Variants in CDH4 observed in about 807,000 individuals in gnomAD.
CDH4 encodes cadherin-4.
Under a neutral mutation model 86.0 loss-of-function variants are expected in CDH4, and 33 were observed. The ratio of observed to expected loss-of-function variants is 0.38; its 90% CI spans 0.29 to 0.51. The LOEUF (loss-of-function observed/expected upper bound fraction) is 0.51. Among genes scored for constraint, CDH4 ranks in the 20% least tolerant of loss-of-function variants. The probability of loss-of-function intolerance (pLI) is 0.86; values close to 1 mark genes in which losing one functional copy is unlikely to be tolerated. For synonymous variants in CDH4, 555 were observed against 549.4 expected, an observed-to-expected ratio of 1.01 and a Z score of -0.14; for missense variants, 1,114 against 1,307.4, an observed-to-expected ratio of 0.85 and a Z score of 2.28.
chr20:61,771,017 T>TC (rs1336498940), intron 3 of CDH4, among the ~76,000 whole-genome samples: 3 of 123,534 alleles, frequency 2.4e-5, no homozygotes, highest in Non-Finnish European at 3.7e-5. Flanking sequence ...TTTCTTTTTT[T>TC]TTTTTTTTTT....
At chr20:61,817,253 G>A (rs138815108) in intron 4 of CDH4, among the ~76,000 whole-genome samples, 25 of 152,290 alleles carry the variant, frequency 1.6e-4, no homozygotes, top group Middle Eastern at 3.4e-3. Flanking sequence ...CCAAGGCAGG[G>A]GCCCCCGAGT....
chr20:61,882,853 C>T (rs1984346930), intron 7 of CDH4, among the ~76,000 whole-genome samples: 1 of 148,632 alleles, frequency 6.7e-6, no homozygotes, highest in Admixed American at 6.8e-5. Context: ...TCTGAGAAGT[C>T]ACCCGGCCGG....
rs1191114053 is a variant in CDH4, at chr20:61,517,506, G to A, written c.170-226057G>A. On this transcript the variant is annotated intron_variant, in intron 2 of 15. Coordinates refer to ENST00000614565, the MANE Select transcript of CDH4 (RefSeq NM_001794.5). The surrounding 1 kb of genome is among the most constrained non-coding windows in gnomAD (Gnocchi z 6.6). ...CACCATGCCTGGCCTATAGACTTTTGTGTCTGGCGGCTTTTAAGAGTCAGA... is the reference window on the plus strand; with the variant it reads ...CACCATGCCTGGCCTATAGACTTTTATGTCTGGCGGCTTTTAAGAGTCAGA... Among the ~76,000 whole-genome samples the A allele has an allele frequency of 6.6e-6, 1 of 152,124 alleles. No homozygotes were observed. The highest frequency in any genetic ancestry group is 1.5e-5 in the Non-Finnish European group (1 of 68,028).
At chr20:61,345,956 A>G (rs1228403358) in intron 2 of CDH4, among the ~76,000 whole-genome samples, 3 of 152,174 alleles carry the variant, frequency 2.0e-5, no homozygotes, top group Non-Finnish European at 2.9e-5. Context: ...GGTATTTTGT[A>G]AGCATTCTGG....
At chr20:61,889,841 T>A (rs1055677469) in intron 7 of CDH4, among the ~76,000 whole-genome samples, 1 of 146,530 alleles carries the variant, frequency 6.8e-6, no homozygotes, top group Non-Finnish European at 1.5e-5. Context: ...GGATGATGGA[T>A]GGATAGATAA....
chr20:61,901,660 G>A (rs987151749), intron 8 of CDH4, among the ~76,000 whole-genome samples: 9 of 152,372 alleles, frequency 5.9e-5, no homozygotes, highest in East Asian at 3.9e-4. Context: ...GGCTCCGGCC[G>A]GGAGAAGCAG....
chr20:61,616,956 G>A (rs754951188), intron 2 of CDH4, among the ~76,000 whole-genome samples: 7 of 152,218 alleles, frequency 4.6e-5, no homozygotes, highest in East Asian at 1.9e-4. Context: ...TGACTGGACC[G>A]GGTGCTGTGC....
intron 2 of CDH4, among the ~76,000 whole-genome samples, chr20:61,360,207 G>T (rs2084776249): frequency 2.0e-5 from 3 of 152,232 alleles, no homozygotes; most frequent in Non-Finnish European, 4.4e-5. Flanking sequence ...TGGGTGTGCA[G>T]ATCTGTGCTG....
At chr20:61,734,337 G>A in intron 2 of CDH4, among the ~76,000 whole-genome samples, 1 of 152,242 alleles carries the variant, frequency 6.6e-6, no homozygotes, top group South Asian at 2.1e-4. Flanking sequence ...ACTGGCCCAA[G>A]CCTGGGCAGG....
rs567420703 is a variant in CDH4 at position 61,392,936 on chromosome 20, T to C, written c.169+137999T>C. On this transcript the variant is annotated intron_variant, in intron 2 of 15. Transcript: ENST00000614565. This position sits in a 1 kb window ranked among gnomAD's most constrained non-coding sequence, Gnocchi z 5.7. The stretch of plus-strand genomic sequence containing the variant: ...CGATCAGGGAAGGAGGTGCAGATAC[T>C]CACCCCGATACCCACCAAGGGCAGC... Among the ~76,000 whole-genome samples the C allele has an allele frequency of 2.6e-5, 4 of 152,166 alleles. No individual in the cohort carries two copies. In the East Asian group the frequency reaches 7.7e-4, roughly 29 times the overall value.
rs151120999 is a variant in CDH4, at chr20:61,269,703, T to C, written c.169+14766T>C. 1.1e-3 allele frequency among the ~76,000 whole-genome samples: 165 copies of C among 152,318 alleles called. No homozygotes were observed. Among genetic ancestry groups the C allele is most frequent in the African/African-American group, 3.7e-3 (154 of 41,568 alleles). On this transcript the variant is annotated intron_variant, in intron 2 of 15. Coordinates refer to ENST00000614565, the MANE Select transcript of CDH4 (RefSeq NM_001794.5). The surrounding 1 kb of genome is among the most constrained non-coding windows in gnomAD (Gnocchi z 5.3). Reference sequence around the variant, plus strand: ...AGTCCTGCCAGAGCTGCCCTCCTGCTCTCCTCCTCCTCTTCTGGTCCCTGT... The same window carrying C: ...AGTCCTGCCAGAGCTGCCCTCCTGCCCTCCTCCTCCTCTTCTGGTCCCTGT...
In CDH4 at chr20:61,811,214, A is replaced by C. The variant is rs1980417195; in HGVS notation, c.577-33454A>C. 6.6e-6 allele frequency among the ~76,000 whole-genome samples: 1 copy of C among 152,180 alleles called. No homozygotes were observed. The highest frequency in any genetic ancestry group is 2.1e-4 in the South Asian group (1 of 4,834). ...GCAATCCCTGCTGAGGATGTGAACC[A>C]GGTGAAGTGAAGAATTGCTGGAGGA... On this transcript the variant is annotated intron_variant, in intron 4 of 15. Transcript: ENST00000614565. The surrounding 1 kb of genome is among the most constrained non-coding windows in gnomAD (Gnocchi z 4.4).
intron 2 of CDH4, among the ~76,000 whole-genome samples, chr20:61,343,817 G>C (rs1018873936): frequency 6.6e-6 from 1 of 152,170 alleles, no homozygotes; most frequent in Non-Finnish European, 1.5e-5. Context: ...CCCCAAGAGG[G>C]TATGGGCCAT....
intron 2 of CDH4, among the ~76,000 whole-genome samples, chr20:61,479,392 C>T (rs1400917556): frequency 1.3e-5 from 2 of 151,466 alleles, no homozygotes; most frequent in Admixed American, 6.6e-5. Context: ...TGATATTCCC[C>T]TTCCTGTGTC....
In CDH4 at chr20:61,684,295, G is replaced by A. The variant is rs761488700; in HGVS notation, c.170-59268G>A. Among the ~76,000 whole-genome samples the A allele has an allele frequency of 1.3e-5, 2 of 152,186 alleles. No homozygotes were observed. Among genetic ancestry groups the A allele is most frequent in the Non-Finnish European group, 2.9e-5 (2 of 68,022 alleles). ...GGTGCTCAGAGGGTGGCAAAGGGGC[G>A]ACCATGCGACTGAGCCCTGTGGGAA... On this transcript the variant is annotated intron_variant, in intron 2 of 15. Coordinates refer to ENST00000614565, the MANE Select transcript of CDH4 (RefSeq NM_001794.5). The surrounding 1 kb of genome is among the most constrained non-coding windows in gnomAD (Gnocchi z 4.5).
chr20:61,835,947 G>GGAAGGACCCTGCCA (rs1265528912), intron 4 of CDH4, among the ~76,000 whole-genome samples: 5 of 152,194 alleles, frequency 3.3e-5, no homozygotes, highest in African/African-American at 7.2e-5. Context: ...TGTCCCGAGC[G>GGAAGGACCCTGCCA]GAAGGACCCT....
intron 2 of CDH4, among the ~76,000 whole-genome samples, chr20:61,558,829 C>T (rs1468158118): frequency 6.6e-6 from 1 of 152,246 alleles, no homozygotes; most frequent in East Asian, 1.9e-4. Context: ...CTGAGAAGGT[C>T]TCACCTCCGG....
At chr20:61,348,488 G>A (rs140288572) in intron 2 of CDH4, among the ~76,000 whole-genome samples, 6 of 152,172 alleles carry the variant, frequency 3.9e-5, no homozygotes, top group East Asian at 3.9e-4. Flanking sequence ...TGTTGCCAGC[G>A]GTTCCCTCCA....
chr20:61,544,026 A>T lies in CDH4; in HGVS notation c.170-199537A>T, dbSNP rs1261891287. ...CTCTCGTCACAGCTGAGGTCCCTGG[A>T]GGCTGCCCCACACCCCCGGCCCCAC... On this transcript the variant is annotated intron_variant, in intron 2 of 15. Coordinates refer to ENST00000614565, the MANE Select transcript of CDH4 (RefSeq NM_001794.5). The surrounding 1 kb of genome is among the most constrained non-coding windows in gnomAD (Gnocchi z 6.5). Among the ~76,000 whole-genome samples the T allele has an allele frequency of 6.6e-6, 1 of 152,122 alleles. No homozygotes were observed. Among genetic ancestry groups the T allele is most frequent in the African/African-American group, 2.4e-5 (1 of 41,422 alleles).
Sources: gnomAD v4.1 joint callset for allele counts (sites outside exome capture counted in the v4.1 genomes callset) on GRCh38, gnomAD v4.1.1 for gene constraint, Gnocchi (gnomAD v3.1) non-coding constraint, MANE v1.5 for transcripts, NCBI Gene and HGNC (gene_info 2026-07-23, HGNC 2026-07-21) for gene names.